SRC: variants seen among roughly 807,000 people sequenced by gnomAD.
The protein encoded by SRC is proto-oncogene tyrosine-protein kinase Src.
In SRC, 13 loss-of-function variants were observed where a neutral mutation model predicts 62.9. The observed-to-expected ratio is 0.21, with a 90% CI of 0.13 to 0.33. The LOEUF (loss-of-function observed/expected upper bound fraction) is 0.33. SRC is among the 10% of genes least tolerant of loss of function. The pLI, the probability that SRC is intolerant of heterozygous loss-of-function variation, is 1.00. For missense variants in SRC, 457 were observed against 737.3 expected (o/e 0.62, Z 4.40); for synonymous variants, 302 against 317.5 (o/e 0.95, Z 0.52).
chr20:37,379,549 C>T (rs2070329509), intron 2 of SRC, among the ~76,000 whole-genome samples: 1 of 151,662 alleles, frequency 6.6e-6, no homozygotes, highest in South Asian at 2.1e-4. Context: ...CATGGTGGAA[C>T]CCCGTGTCTA....
intron 1 of SRC, among the ~76,000 whole-genome samples, chr20:37,350,441 A>G (rs997610411): frequency 6.6e-6 from 1 of 152,160 alleles, no homozygotes; most frequent in Non-Finnish European, 1.5e-5. Flanking sequence ...TGTACCTGGT[A>G]AGGCTAACAA....
chr20:37,381,943 A>G (rs1269775063), intron 2 of SRC, among the ~76,000 whole-genome samples: 3 of 152,128 alleles, frequency 2.0e-5, no homozygotes, highest in Non-Finnish European at 4.4e-5. Context: ...CCCAGGGAGC[A>G]TGCAAACCAT....
At chr20:37,368,728 G>T (rs1278111373) in intron 2 of SRC, among the ~76,000 whole-genome samples, 1 of 149,926 alleles carries the variant, frequency 6.7e-6, no homozygotes, top group Non-Finnish European at 1.5e-5. Context: ...ATTTTTTGTA[G>T]TTTTAGTAGA....
rs948982901 is a variant in SRC at position 37,405,822 on chromosome 20, G to C, written c.*2443G>C. On this transcript the variant is annotated 3_prime_UTR_variant, in exon 14 of 14. Coordinates refer to ENST00000373578, the MANE Select transcript of SRC (RefSeq NM_198291.3). ...TGTTTCCTAGGAGTGCAGGGCAGGG[G>C]TGCTGGGTCGATCCACAAAAGTCCT... is the stretch of plus-strand genomic sequence containing the variant. 6 of 152,188 alleles carry C rather than the reference G, an allele frequency of 3.9e-5. No individual in the cohort carries two copies. Among genetic ancestry groups the C allele is most frequent in the African/African-American group, 1.4e-4 (6 of 41,394 alleles). The allele number at this position is 152,188 out of a possible 1,614,324, so 9.4% of individuals were successfully genotyped here.
Position 37,361,656 on chromosome 20 carries a change from A to G in SRC, c.-246-3548A>G, listed in dbSNP as rs553748465. 4.6e-5 allele frequency among the ~76,000 whole-genome samples: 7 copies of G among 152,124 alleles called. No individual in the cohort carries two copies. The South Asian group carries it at 1.2e-3, about 27-fold the overall frequency. ...CAAGGCACATCAGCCATCACCCATC[A>G]GGGGTGGGGCAGCTGGGGGCTCTCG... On this transcript the variant is annotated intron_variant, in intron 1 of 13. Coordinates refer to ENST00000373578, the MANE Select transcript of SRC (RefSeq NM_198291.3).
At position 37,402,060 on chromosome 20, in the gene SRC, T is replaced by G. The variant is rs1004019395; in HGVS notation, c.1117-375T>G. ...AGGAGTGACGAGGATTGGCTGTTAT[T>G]CCCATTGGACGGATGAGAAAACTGA... On this transcript the variant is annotated intron_variant, in intron 11 of 13. Coordinates refer to ENST00000373578, the MANE Select transcript of SRC (RefSeq NM_198291.3). This position sits in a 1 kb window ranked among gnomAD's most constrained non-coding sequence, Gnocchi z 6.2. 2 of 303,770 alleles carry G rather than the reference T, an allele frequency of 6.6e-6. No homozygotes were observed. Among genetic ancestry groups the G allele is most frequent in the African/African-American group, 2.2e-5 (1 of 46,190 alleles). The allele number at this position is 303,770 out of a possible 1,614,324, so 18.8% of individuals were successfully genotyped here. A position where few individuals can be genotyped will look rare whatever the true frequency, so the allele number is the denominator to read the frequency against.
At chr20:37,390,322 T>C (rs931821358) in intron 5 of SRC, among the ~76,000 whole-genome samples, 3 of 152,080 alleles carry the variant, frequency 2.0e-5, no homozygotes, top group African/African-American at 4.8e-5. Context: ...TAGTTGTTTT[T>C]ATTTTTATTT....
intron 7 of SRC, among the ~76,000 whole-genome samples, chr20:37,395,400 T>C (rs62208295): frequency 0.051 from 7,765 of 152,304 alleles, 282 homozygotes; most frequent in African/African-American, 0.099. Context: ...TGCCCCTGCC[T>C]CCGGGGCTCA....
chr20:37,399,303 G>C (rs1040028637), intron 9 of SRC, among the ~76,000 whole-genome samples: 1 of 152,164 alleles, frequency 6.6e-6, no homozygotes, highest in Non-Finnish European at 1.5e-5. Flanking sequence ...TCATGCTTAG[G>C]ACAGTGTCTC....
At chr20:37,372,976 T>C (rs2070190892) in intron 2 of SRC, among the ~76,000 whole-genome samples, 1 of 152,124 alleles carries the variant, frequency 6.6e-6, no homozygotes, top group Non-Finnish European at 1.5e-5. Context: ...GCTTTCCCCA[T>C]TCAGAGATAT....
Position 37,394,225 on chromosome 20 carries a change from T to C in SRC, c.501T>C (p.Asn167=). The C allele has an allele frequency of 6.2e-7, 1 of 1,614,070 alleles. No homozygotes were observed. Residue 167 remains asparagine, a synonymous_variant, in exon 7 of 14, where the codon AAT becomes AAC. Coordinates refer to ENST00000373578, the MANE Select transcript of SRC (RefSeq NM_198291.3). ...GGGAGTCAGAGCGGTTACTGCTCAA[T>C]GCAGAGAACCCGAGAGGGACCTTCC... is the stretch of plus-strand genomic sequence containing the variant. ...TRRESERLLL[N]AENPRGTFLV...
chr20:37,402,122 G>A lies in SRC; in HGVS notation c.1117-313G>A. On this transcript the variant is annotated intron_variant, in intron 11 of 13. Coordinates refer to ENST00000373578, the MANE Select transcript of SRC (RefSeq NM_198291.3). The surrounding 1 kb of genome is among the most constrained non-coding windows in gnomAD (Gnocchi z 6.2). ...GGGACTTGGGCAGCAGGCAGGACCT[G>A]GCACTCATCTGTGTCTGGGTCCGCT... 1 of 373,212 alleles carries A rather than the reference G, an allele frequency of 2.7e-6. No individual in the cohort carries two copies. The allele number at this position is 373,212 out of a possible 1,614,324, so 23.1% of individuals were successfully genotyped here. A position where few individuals can be genotyped will look rare whatever the true frequency, so the allele number is the denominator to read the frequency against.
chr20:37,379,927 C>A (rs1188413100), intron 2 of SRC, among the ~76,000 whole-genome samples: 30 of 30,222 alleles, frequency 9.9e-4, no homozygotes, highest in Admixed American at 2.8e-3. Context: ...AGAAAAAGAA[C>A]GAGAGAGCTT....
intron 5 of SRC, among the ~76,000 whole-genome samples, chr20:37,393,306 ACAGAGGCAAGC>A (rs1248725929): frequency 6.6e-6 from 1 of 152,172 alleles, no homozygotes; most frequent in Non-Finnish European, 1.5e-5. Flanking sequence ...GTGATTTGGG[ACAGAGGCAAGC>A]CTTGCTCTAG....
intron 1 of SRC, among the ~76,000 whole-genome samples, chr20:37,355,117 C>T (rs1232336153): frequency 6.6e-6 from 1 of 152,008 alleles, no homozygotes; most frequent in Non-Finnish European, 1.5e-5. Context: ...TTTGGACTGG[C>T]GCTGGGTGAA....
At position 37,355,364 on chromosome 20, in the gene SRC, TA is replaced by T. The variant is rs574744445; in HGVS notation, c.-247+9110del. Among the ~76,000 whole-genome samples, 12 of 152,256 alleles carry T rather than the reference TA, an allele frequency of 7.9e-5. No individual in the cohort carries two copies. In the East Asian group the frequency reaches 2.3e-3, roughly 29 times the overall value. On this transcript the variant is annotated intron_variant, in intron 1 of 13. Coordinates refer to ENST00000373578, the MANE Select transcript of SRC (RefSeq NM_198291.3). ...GTTTTAGAAACGGAGTGGGTTTGGTTACCAGTTGGCCATTTGCAGCGAGCTC... is the reference window on the plus strand; with the variant it reads ...GTTTTAGAAACGGAGTGGGTTTGGTTCCAGTTGGCCATTTGCAGCGAGCTC...
upstream of SRC, chr20:37,346,027 C>G (rs1394761233): frequency 6.5e-6 from 1 of 153,606 alleles, no homozygotes; most frequent in Non-Finnish European, 1.5e-5. Flanking sequence ...CTGCCGGGCC[C>G]CTCCTCCCAG....
At chr20:37,357,379 G>A (rs1226145585) in intron 1 of SRC, among the ~76,000 whole-genome samples, 1 of 152,174 alleles carries the variant, frequency 6.6e-6, no homozygotes, top group Non-Finnish European at 1.5e-5. Flanking sequence ...CAAGTCCCAG[G>A]CCTACTGTGG....
At chr20:37,374,749 A>T (rs2070251402) in intron 2 of SRC, among the ~76,000 whole-genome samples, 1 of 150,736 alleles carries the variant, frequency 6.6e-6, no homozygotes. Context: ...TTATTTTTGT[A>T]CTTTTAATAC....
Sources: gnomAD v4.1 joint callset for allele counts (sites outside exome capture counted in the v4.1 genomes callset) on GRCh38, gnomAD v4.1.1 for gene constraint, Gnocchi (gnomAD v3.1) non-coding constraint, MANE v1.5 for transcripts, NCBI Gene and HGNC (gene_info 2026-07-23, HGNC 2026-07-21) for gene names.